MAK: variants seen among roughly 807,000 people sequenced by gnomAD.
MAK encodes the protein serine/threonine-protein kinase MAK.
A neutral mutation model predicts 82.6 loss-of-function variants in MAK; 65 were observed. The ratio of observed to expected loss-of-function variants is 0.79; its 90% confidence interval spans 0.64 to 0.97. MAK has a LOEUF of 0.97. Ranked by LOEUF, MAK falls within the 50% of genes least tolerant of loss-of-function variation. MAK has a pLI of 0.00. For synonymous variants in MAK, 250 were observed against 274.2 expected, an observed-to-expected ratio of 0.91 and a Z score of 0.87; for missense variants, 703 against 780.2, an observed-to-expected ratio of 0.90 and a Z score of 1.18.
intron 10 of MAK, among the ~76,000 whole-genome samples, chr6:10,786,043 G>C (rs1774502889): frequency 6.6e-6 from 1 of 152,144 alleles, no homozygotes. Flanking sequence ...TCAGGAGTTT[G>C]AGACCAGCCT....
intron 5 of MAK, among the ~76,000 whole-genome samples, chr6:10,813,012 C>G (rs532430043): frequency 0.077 from 10,737 of 138,854 alleles, 1,388 homozygotes; most frequent in African/African-American, 0.27. Context: ...TGATCCCCCC[C>G]CCCGCCTCGG....
At chr6:10,782,347 C>T (rs1165872391) in intron 11 of MAK, among the ~76,000 whole-genome samples, 1 of 151,982 alleles carries the variant, frequency 6.6e-6, no homozygotes, top group Non-Finnish European at 1.5e-5. Flanking sequence ...ATTTCTTCAA[C>T]CTCTCAAATA....
intron 14 of MAK, among the ~76,000 whole-genome samples, chr6:10,767,929 AC>A (rs1294838447): frequency 2.6e-5 from 4 of 152,142 alleles, no homozygotes; most frequent in Non-Finnish European, 5.9e-5. Flanking sequence ...GGAAACTGTC[AC>A]CCAACTGGCA....
intron 2 of MAK, among the ~76,000 whole-genome samples, chr6:10,826,034 CCTT>C (rs1778339949): frequency 6.6e-6 from 1 of 152,130 alleles, no homozygotes; most frequent in Non-Finnish European, 1.5e-5. Flanking sequence ...TCCTTCATGA[CCTT>C]CTAGTCTTCA....
At chr6:10,805,359 G>A (rs917736142) in intron 6 of MAK, among the ~76,000 whole-genome samples, 2 of 152,092 alleles carry the variant, frequency 1.3e-5, no homozygotes, top group African/African-American at 4.8e-5. Context: ...AGACCAAGGC[G>A]GGTGAATCAT....
At chr6:10,788,451 G>T (rs769740212) in intron 10 of MAK, among the ~76,000 whole-genome samples, 1 of 152,088 alleles carries the variant, frequency 6.6e-6, no homozygotes, top group African/African-American at 2.4e-5. Flanking sequence ...TTTTCAAGTC[G>T]CCAGGTGCGG....
intron 9 of MAK, 67 bp downstream of exon 9, chr6:10,795,931 C>A: frequency 6.6e-7 from 1 of 1,518,584 alleles, no homozygotes; most frequent in South Asian, 1.1e-5. Context: ...ATTAGAAATG[C>A]CTCGAAAAAA....
chr6:10,799,137 G>C (rs1775815909), intron 8 of MAK, among the ~76,000 whole-genome samples: 1 of 152,032 alleles, frequency 6.6e-6, no homozygotes, highest in Admixed American at 6.6e-5. Context: ...CACATGGTTG[G>C]AAACATTTTG....
chr6:10,807,764 C>A (rs559760727), intron 6 of MAK, among the ~76,000 whole-genome samples: 1 of 151,974 alleles, frequency 6.6e-6, no homozygotes, highest in Non-Finnish European at 1.5e-5. Context: ...GCACCCAGAT[C>A]AAGAAAGACA....
intron 8 of MAK, among the ~76,000 whole-genome samples, 155 bp from the exon 9 acceptor site, chr6:10,796,464 T>G (rs1775571904): frequency 6.6e-6 from 1 of 152,136 alleles, no homozygotes; most frequent in South Asian, 2.1e-4. Flanking sequence ...CAGTGCCTCT[T>G]TTAAAAGATA....
chr6:10,809,574 T>C (rs9366632), intron 5 of MAK, among the ~76,000 whole-genome samples: 24,613 of 152,186 alleles, frequency 0.16, 1,938 homozygotes, highest in Middle Eastern at 0.2. Context: ...CTTGAGTCAG[T>C]GCAGCTGACT....
intron 11 of MAK, among the ~76,000 whole-genome samples, chr6:10,775,945 T>G (rs993601543): frequency 3.9e-5 from 6 of 152,034 alleles, no homozygotes; most frequent in African/African-American, 1.2e-4. Flanking sequence ...CCCACCACCA[T>G]GCTTGGCTAA....
At chr6:10,827,679 TTTTG>T (rs1341992448) in intron 2 of MAK, 1 of 152,204 alleles carries the variant, frequency 6.6e-6, no homozygotes, top group Admixed American at 6.6e-5. Flanking sequence ...TTTGTTTTAC[TTTTG>T]TTTTTGTTTT....
chr6:10,796,282 C>A lies in MAK; in HGVS notation c.859G>T (p.Gly287Cys). The change falls in exon 9 of 15, where the codon GGT becomes TGT. Residue 287 changes from glycine (G) to cysteine (C), a missense_variant. Transcript: ENST00000354489. The stretch of plus-strand genomic sequence containing the variant: ...TTTGACGAAGGGCCTAATACCTGAC[C>A]AACTTGAAAATATGGGTGTTTCAAT... ...QALKHPYFQV[G>C]QVLGPSSNHL... 1 of 1,613,732 alleles carries A rather than the reference C, an allele frequency of 6.2e-7. No homozygotes were observed. Among genetic ancestry groups the A allele is most frequent in the Non-Finnish European group, 8.5e-7 (1 of 1,179,966 alleles).
intron 2 of MAK, among the ~76,000 whole-genome samples, chr6:10,819,540 G>C (rs538703985): frequency 9.2e-4 from 140 of 152,202 alleles, no homozygotes; most frequent in African/African-American, 2.9e-3. Flanking sequence ...GCTGAGGCAG[G>C]AGAATCACTT....
In MAK at chr6:10,764,409, G is replaced by A. The variant is rs373416620; in HGVS notation, c.*43C>T. ...TTTCCCAGGGTCAAGGAACTTGCAC[G>A]TACTCTACGGAGCAATGCTGTAGGG... is the stretch of plus-strand genomic sequence containing the variant. On this transcript the variant is annotated 3_prime_UTR_variant, in exon 15 of 15. Transcript: ENST00000354489. 41 of 1,598,278 alleles carry A rather than the reference G, an allele frequency of 2.6e-5. No homozygotes were observed. The highest frequency in any genetic ancestry group is 1.8e-4 in the Middle Eastern group (1 of 5,524).
At chr6:10,770,366 G>C in intron 13 of MAK, 136 bp from the exon 14 acceptor site, 2 of 941,578 alleles carry the variant, frequency 2.1e-6, no homozygotes, top group Non-Finnish European at 1.6e-6. Flanking sequence ...AGCTGCACTT[G>C]TTACAGATAT....
At chr6:10,774,842 T>C (rs184244736) in intron 12 of MAK, among the ~76,000 whole-genome samples, 14 of 152,326 alleles carry the variant, frequency 9.2e-5, no homozygotes, top group African/African-American at 3.1e-4. Flanking sequence ...AAACACACCA[T>C]GGTAGCCAGT....
Position 10,796,255 on chromosome 6 carries a change from G to T in MAK, c.886C>A (p.His296Asn). ...TTTAAAGACTGTTTTGATTCCAGAT[G>T]ATTTGACGAAGGGCCTAATACCTGA... ...VGQVLGPSSN[H>N]LESKQSLNKQ... The change falls in exon 9 of 15, where the codon CAT becomes AAT. Residue 296 changes from histidine to asparagine, a missense_variant. His to Asn is a moderately conservative substitution (Grantham distance 68). Transcript: ENST00000354489. The T allele has an allele frequency of 6.2e-7, 1 of 1,614,140 alleles. No homozygotes were observed. Among genetic ancestry groups the T allele is most frequent in the East Asian group, 2.2e-5 (1 of 44,888 alleles).
Sources: allele counts gnomAD v4.1 joint callset (sites outside exome capture counted in the v4.1 genomes callset), GRCh38; gene constraint gnomAD v4.1.1; transcripts MANE v1.5; gene names NCBI Gene and HGNC (gene_info 2026-07-23, HGNC 2026-07-21).